Variants in CCDC110 observed in about 807,000 individuals in gnomAD.
CCDC110 encodes coiled-coil domain-containing protein 110.
In CCDC110, 70 loss-of-function variants were observed where a neutral mutation model predicts 77.1. The ratio of observed to expected loss-of-function variants is 0.91; its 90% CI spans 0.75 to 1.11. The LOEUF (loss-of-function observed/expected upper bound fraction) is 1.11, where lower values mean the gene tolerates loss of function less well. Ranked by LOEUF, CCDC110 falls within the 50% of genes least tolerant of loss-of-function variation. The pLI, the probability that CCDC110 is intolerant of heterozygous loss-of-function variation, is 0.00. For synonymous variants in CCDC110, 295 were observed against 312.5 expected, an observed-to-expected ratio of 0.94 and a Z score of 0.59; for missense variants, 868 against 942.9, an observed-to-expected ratio of 0.92 and a Z score of 1.04.
chr4:185,457,129 A>G (rs1226957602), intron 6 of CCDC110: 1 of 399,458 alleles, frequency 2.5e-6, no homozygotes, highest in Non-Finnish European at 5.0e-6. Flanking sequence ...AATTTACCAT[A>G]TTAACAGATT....
At chr4:185,464,250 T>C (rs942609173) in intron 2 of CCDC110, among the ~76,000 whole-genome samples, 27 of 152,122 alleles carry the variant, frequency 1.8e-4, no homozygotes, top group African/African-American at 6.5e-4. Context: ...GAGAAGCCGC[T>C]TGCAAAGTAC....
chr4:185,470,370 A>G (rs566650823), intron 2 of CCDC110, among the ~76,000 whole-genome samples: 6 of 152,152 alleles, frequency 3.9e-5, no homozygotes, highest in Non-Finnish European at 8.8e-5. Context: ...ATTACTTGTA[A>G]TACCTTATAC....
chr4:185,452,357 C>G, intron 6 of CCDC110: 1 of 985,420 alleles, frequency 1.0e-6, no homozygotes, highest in African/African-American at 1.7e-5. Context: ...CTGCTTACAT[C>G]TGTTCAAGGC....
At chr4:185,455,884 CA>C (rs34041481) in intron 6 of CCDC110, among the ~76,000 whole-genome samples, 12 of 147,850 alleles carry the variant, frequency 8.1e-5, no homozygotes, top group South Asian at 2.2e-4. Context: ...GACTCCATCT[CA>C]AAAAAAAAAT....
intron 5 of CCDC110, among the ~76,000 whole-genome samples, chr4:185,460,598 A>G (rs1179681117): frequency 6.6e-6 from 1 of 152,194 alleles, no homozygotes; most frequent in South Asian, 2.1e-4. Flanking sequence ...AATGTTTCCA[A>G]TTCTGGGCTA....
chr4:185,467,290 A>G (rs1290776545), intron 2 of CCDC110, among the ~76,000 whole-genome samples: 1 of 152,234 alleles, frequency 6.6e-6, no homozygotes, highest in African/African-American at 2.4e-5. Context: ...TTTAAAAGCT[A>G]TTAACATAAC....
chr4:185,452,325 A>T, intron 6 of CCDC110: 1 of 985,464 alleles, frequency 1.0e-6, no homozygotes. Context: ...TCAGCCAGAC[A>T]TCAGTCTCTG....
intron 6 of CCDC110, among the ~76,000 whole-genome samples, chr4:185,451,405 A>G (rs957568453): frequency 6.6e-6 from 1 of 152,154 alleles, no homozygotes; most frequent in African/African-American, 2.4e-5. Flanking sequence ...AGTGGAGGGA[A>G]CTATGTCAAG....
intron 2 of CCDC110, chr4:185,470,604 C>A: frequency 4.2e-6 from 2 of 479,632 alleles, no homozygotes; most frequent in Non-Finnish European, 4.1e-6. Flanking sequence ...AGCAACGGAG[C>A]GTAGCGTGGT....
intron 6 of CCDC110, among the ~76,000 whole-genome samples, chr4:185,453,197 G>A (rs904921112): frequency 3.3e-5 from 5 of 152,092 alleles, no homozygotes; most frequent in African/African-American, 1.2e-4. Flanking sequence ...GTGAGACCCT[G>A]TCTCTAAAAA....
chr4:185,471,072 T>C, intron 1 of CCDC110, 23 bp from the exon 2 acceptor site: 1 of 1,437,056 alleles, frequency 7.0e-7, no homozygotes, highest in South Asian at 1.2e-5. Flanking sequence ...CGTCCGGGGC[T>C]GTTCTGTCGC....
intron 6 of CCDC110, chr4:185,457,809 G>A: frequency 7.1e-7 from 1 of 1,418,430 alleles, no homozygotes; most frequent in Non-Finnish European, 9.4e-7. Context: ...CAGTTTACTT[G>A]GAATTCCTAG....
At position 185,462,645 on chromosome 4, in the gene CCDC110, T is replaced by C. The variant is rs369964818; in HGVS notation, c.235A>G (p.Met79Val). Reference protein sequence around the residue: ...LRMQTLQNVSMVQSEISEILN... With the variant: ...LRMQTLQNVSVVQSEISEILN... Reference sequence around the variant, plus strand: ...TATATAGATCAAAAGAAACATACCATGCTGACATTCTGCAAAGTCTGCATT... The same window carrying C: ...TATATAGATCAAAAGAAACATACCACGCTGACATTCTGCAAAGTCTGCATT... The change falls in exon 4 of 7, where the codon ATG (methionine) becomes GTG (valine). Residue 79 changes from methionine to valine, a missense_variant and splice_region_variant. Physicochemically the swap from Met to Val is conservative, Grantham distance 21 (BLOSUM62 1). Coordinates refer to ENST00000307588, the MANE Select transcript of CCDC110 (RefSeq NM_152775.4). 98 of 1,612,430 alleles carry C rather than the reference T, an allele frequency of 6.1e-5. No homozygotes were observed. Among genetic ancestry groups the C allele is most frequent in the Non-Finnish European group, 7.9e-5 (93 of 1,178,542 alleles).
chr4:185,449,731 T>A, intron 6 of CCDC110: 1 of 890,034 alleles, frequency 1.1e-6, no homozygotes, highest in South Asian at 1.9e-5. Flanking sequence ...TAAGATGTTA[T>A]GGAGCAGATA....
At chr4:185,452,220 C>T in intron 6 of CCDC110, 1 of 985,458 alleles carries the variant, frequency 1.0e-6, no homozygotes, top group Non-Finnish European at 1.2e-6. Context: ...TGACAACTTA[C>T]ACATCTAGTT....
chr4:185,462,511 C>A, intron 4 of CCDC110, 132 bp downstream of exon 4: 2 of 665,206 alleles, frequency 3.0e-6, no homozygotes, highest in Non-Finnish European at 5.3e-6. Flanking sequence ...AAATTTTGAG[C>A]CTAGAATATG....
In CCDC110 at chr4:185,459,792, T is replaced by C; in HGVS notation, c.795A>G (p.Glu265=). Residue 265 remains glutamate (E), a synonymous_variant, in exon 6 of 7, where the codon GAA becomes GAG. Transcript: ENST00000307588. ...SHDGEVALTN[E]LQTLQTDPDV... is the part of the protein sequence containing the mutation. ...CTGGATCAGTTTGTAAAGTCTGAAG[T>C]TCATTTGTAAGTGCCACTTCCCCAT... 1 of 1,613,722 alleles carries C rather than the reference T, an allele frequency of 6.2e-7. No homozygotes were observed. The highest frequency in any genetic ancestry group is 8.5e-7 in the Non-Finnish European group (1 of 1,179,882).
intron 6 of CCDC110, among the ~76,000 whole-genome samples, chr4:185,455,656 G>T (rs1311566522): frequency 6.6e-6 from 1 of 152,192 alleles, no homozygotes. Context: ...GGCCGAGGCA[G>T]GTGGATCACC....
At position 185,459,321 on chromosome 4, in the gene CCDC110, C is replaced by T; in HGVS notation, c.1266G>A (p.Glu422=). 2 of 1,612,914 alleles carry T rather than the reference C, an allele frequency of 1.2e-6. No homozygotes were observed. The highest frequency in any genetic ancestry group is 2.7e-5 in the African/African-American group (2 of 75,020). ...AGTACTGAATTTTTGCAACACACTG[C>T]TCAGTAACGGAATTAACTTTGGAAG... The part of the protein sequence containing the change: ...EKTSKVNSVT[E]QCVAKIQYLQ... The change falls in exon 6 of 7, where the codon GAG becomes GAA. Residue 422 remains glutamate, a synonymous_variant. Transcript: ENST00000307588.
Sources: allele counts gnomAD v4.1 joint callset (sites outside exome capture counted in the v4.1 genomes callset), GRCh38; gene constraint gnomAD v4.1.1; transcripts MANE v1.5; gene names NCBI Gene and HGNC (gene_info 2026-07-23, HGNC 2026-07-21).